COMMD1: variants seen among roughly 807,000 people sequenced by gnomAD.
The protein encoded by COMMD1 is copper metabolism domain containing 1.
COMMD1 carries 10 observed loss-of-function variants against 17.2 expected under a neutral mutation model. The observed-to-expected ratio is 0.58, with a 90% CI of 0.36 to 0.99. The LOEUF is 0.99. Among genes scored for constraint, COMMD1 ranks in the 50% least tolerant of loss-of-function variants. COMMD1 has a pLI of 0.01. For synonymous variants in COMMD1, 97 were observed against 91.6 expected, an observed-to-expected ratio of 1.06 and a Z score of -0.34; for missense variants, 270 against 231.8, an observed-to-expected ratio of 1.17 and a Z score of -1.07.
intron 2 of COMMD1, among the ~76,000 whole-genome samples, chr2:62,120,862 A>G (rs1489922715): frequency 6.6e-6 from 1 of 152,150 alleles, no homozygotes; most frequent in East Asian, 1.9e-4. Flanking sequence ...AGCTAGGACT[A>G]CAGGCATGTG....
At chr2:62,131,335 G>GTA (rs1188938342) in intron 2 of COMMD1, among the ~76,000 whole-genome samples, 1 of 152,112 alleles carries the variant, frequency 6.6e-6, no homozygotes, top group Non-Finnish European at 1.5e-5. Flanking sequence ...AAAGAAGCTA[G>GTA]TTTGATTCTT....
upstream of COMMD1, among the ~76,000 whole-genome samples, chr2:61,900,842 G>C (rs1669641027): frequency 6.6e-6 from 1 of 152,160 alleles, no homozygotes; most frequent in African/African-American, 2.4e-5. Context: ...TGGGGAGAAA[G>C]TGTCTGAGGC....
intron 2 of COMMD1, chr2:62,055,347 C>A: frequency 2.3e-6 from 1 of 444,102 alleles, no homozygotes; most frequent in Non-Finnish European, 4.5e-6. Flanking sequence ...GGGGGAAAGA[C>A]CCAATGATGA....
chr2:61,929,527 A>G (rs1343133682), intron 1 of COMMD1, among the ~76,000 whole-genome samples: 1 of 152,164 alleles, frequency 6.6e-6, no homozygotes, highest in African/African-American at 2.4e-5. Context: ...TTGCCCTATC[A>G]TATTTCTCCA....
At chr2:61,958,498 C>T (rs1671254214) in intron 1 of COMMD1, among the ~76,000 whole-genome samples, 1 of 152,084 alleles carries the variant, frequency 6.6e-6, no homozygotes, top group Non-Finnish European at 1.5e-5. Context: ...AACTCCTGAC[C>T]TCAAATGATC....
chr2:62,032,139 A>G (rs1397715572), intron 2 of COMMD1, among the ~76,000 whole-genome samples: 4 of 152,192 alleles, frequency 2.6e-5, no homozygotes, highest in African/African-American at 4.8e-5. Context: ...GACTCAGAAT[A>G]TGCTTGTGAT....
upstream of COMMD1, among the ~76,000 whole-genome samples, chr2:61,902,111 G>A (rs1669669135): frequency 6.6e-6 from 1 of 151,848 alleles, no homozygotes; most frequent in Non-Finnish European, 1.5e-5. Flanking sequence ...GATTACAGGC[G>A]TGAGCCACCG....
chr2:62,037,683 A>C (rs1046480589), intron 2 of COMMD1, among the ~76,000 whole-genome samples: 2 of 152,230 alleles, frequency 1.3e-5, no homozygotes, highest in African/African-American at 4.8e-5. Flanking sequence ...GGAGAAGCCA[A>C]CTGAAATATA....
At chr2:62,107,729 A>G (rs1168162604) in intron 2 of COMMD1, among the ~76,000 whole-genome samples, 1 of 152,212 alleles carries the variant, frequency 6.6e-6, no homozygotes, top group African/African-American at 2.4e-5. Context: ...GGTTAGTTAA[A>G]CCGGCATTCA....
chr2:62,128,076 C>T (rs933966003), intron 2 of COMMD1, among the ~76,000 whole-genome samples: 8 of 151,192 alleles, frequency 5.3e-5, no homozygotes, highest in Non-Finnish European at 1.0e-4. Flanking sequence ...GCCTGTAATC[C>T]CAGCACTTTG....
At chr2:61,888,598 G>A (rs1169633809), upstream of COMMD1, 34 of 1,446,560 alleles carry the variant, frequency 2.4e-5, no homozygotes, top group Non-Finnish European at 2.8e-5. Flanking sequence ...AGCCCTCACT[G>A]CCTTCACGAA....
intron 1 of COMMD1, among the ~76,000 whole-genome samples, chr2:61,966,604 C>T (rs1671511888): frequency 6.6e-6 from 1 of 151,918 alleles, no homozygotes; most frequent in Admixed American, 6.6e-5. Flanking sequence ...TGTCCTAGGT[C>T]ATCAGATAAA....
intron 2 of COMMD1, among the ~76,000 whole-genome samples, chr2:62,005,975 G>GA: frequency 6.6e-6 from 1 of 152,072 alleles, no homozygotes; most frequent in East Asian, 1.9e-4. Context: ...ACTGGATTAA[G>GA]AAAATGTGGC....
At chr2:61,927,161 A>G (rs191971511) in intron 1 of COMMD1, among the ~76,000 whole-genome samples, 1 of 152,290 alleles carries the variant, frequency 6.6e-6, no homozygotes, top group East Asian at 1.9e-4. Context: ...AGCGATGGGG[A>G]GATAGAACAA....
At chr2:61,946,733 G>A (rs1250997050) in intron 1 of COMMD1, among the ~76,000 whole-genome samples, 1 of 151,978 alleles carries the variant, frequency 6.6e-6, no homozygotes, top group South Asian at 2.1e-4. Flanking sequence ...TAGCCAGCTC[G>A]ACCATATAAA....
chr2:61,941,797 G>T (rs1670755167), intron 1 of COMMD1, among the ~76,000 whole-genome samples: 1 of 152,112 alleles, frequency 6.6e-6, no homozygotes, highest in African/African-American at 2.4e-5. Context: ...CCTTAAAATG[G>T]TCATTTTTAC....
intron 2 of COMMD1, among the ~76,000 whole-genome samples, chr2:62,090,204 C>G (rs1257354071): frequency 2.0e-5 from 3 of 149,180 alleles, no homozygotes; most frequent in Non-Finnish European, 4.5e-5. Context: ...ATATATAATC[C>G]TAATACAGTG....
intron 1 of COMMD1, among the ~76,000 whole-genome samples, chr2:61,912,298 A>T (rs999748517): frequency 6.6e-6 from 1 of 152,174 alleles, no homozygotes; most frequent in African/African-American, 2.4e-5. Flanking sequence ...AAATGTGGAG[A>T]TTGCTATTAA....
intron 2 of COMMD1, among the ~76,000 whole-genome samples, chr2:62,041,712 C>T (rs548365081): frequency 1.3e-5 from 2 of 152,262 alleles, no homozygotes; most frequent in South Asian, 2.1e-4. Flanking sequence ...AATGAAGCCG[C>T]GGACCCTCAC....
Sources: gnomAD v4.1 joint callset for allele counts (sites outside exome capture counted in the v4.1 genomes callset) on GRCh38, gnomAD v4.1.1 for gene constraint, MANE v1.5 for transcripts, NCBI Gene and HGNC (gene_info 2026-07-23, HGNC 2026-07-21) for gene names.